Variants in GRIA1 observed in about 807,000 individuals in gnomAD.
GRIA1 encodes the protein glutamate ionotropic receptor AMPA type subunit 1.
GRIA1 carries 31 observed loss-of-function variants against 99.2 expected under a neutral mutation model. The ratio of observed to expected loss-of-function variants is 0.31; its 90% CI spans 0.23 to 0.42. The LOEUF (loss-of-function observed/expected upper bound fraction) is 0.42, where lower values mean the gene tolerates loss of function less well. Ranked by LOEUF, GRIA1 falls within the 10% of genes least tolerant of loss-of-function variation. GRIA1 has a pLI of 1.00. For missense variants in GRIA1, 782 were observed against 1,157.5 expected (o/e 0.68, Z 4.71); for synonymous variants, 438 against 432.4 (o/e 1.01, Z -0.16).
chr5:153,576,908 G>C (rs1325544461), intron 2 of GRIA1, among the ~76,000 whole-genome samples: 1 of 152,164 alleles, frequency 6.6e-6, no homozygotes. Flanking sequence ...CTGACACGTA[G>C]CAGGCTCTCA....
intron 11 of GRIA1, among the ~76,000 whole-genome samples, chr5:153,727,968 C>T (rs1252344763): frequency 6.6e-6 from 1 of 151,532 alleles, no homozygotes; most frequent in Non-Finnish European, 1.5e-5. Context: ...CATCACGCTA[C>T]CTGACTTCAA....
intron 2 of GRIA1, among the ~76,000 whole-genome samples, chr5:153,516,708 G>C (rs574651281): frequency 1.3e-5 from 2 of 152,182 alleles, no homozygotes; most frequent in Non-Finnish European, 2.9e-5. Context: ...CTCCCTTCAC[G>C]AGGAAGAAAT....
At chr5:153,502,368 T>C (rs1185034062) in intron 2 of GRIA1, among the ~76,000 whole-genome samples, 1 of 152,164 alleles carries the variant, frequency 6.6e-6, no homozygotes, top group Non-Finnish European at 1.5e-5. Context: ...CTGCTTAGGG[T>C]AATGCTTTTG....
At chr5:153,608,608 T>C (rs1303619254) in intron 2 of GRIA1, among the ~76,000 whole-genome samples, 1 of 152,194 alleles carries the variant, frequency 6.6e-6, no homozygotes, top group Non-Finnish European at 1.5e-5. Flanking sequence ...TCACATGGTT[T>C]TCAGTCCTCT....
intron 11 of GRIA1, among the ~76,000 whole-genome samples, chr5:153,732,058 C>T (rs1449376092): frequency 1.3e-5 from 2 of 152,066 alleles, no homozygotes; most frequent in African/African-American, 4.8e-5. Context: ...CATTCTGTCA[C>T]AAATTGTAGG....
chr5:153,548,736 A>G (rs1261486862), intron 2 of GRIA1, among the ~76,000 whole-genome samples: 1 of 152,212 alleles, frequency 6.6e-6, no homozygotes, highest in Non-Finnish European at 1.5e-5. Context: ...CAAAGTATCT[A>G]TCATTGCACA....
intron 2 of GRIA1, among the ~76,000 whole-genome samples, chr5:153,567,022 T>C (rs149805022): frequency 4.1e-4 from 63 of 152,310 alleles, no homozygotes; most frequent in African/African-American, 1.5e-3. Flanking sequence ...TGGCCACAAA[T>C]ATTGTCTTTT....
chr5:153,497,498 T>C (rs1433484011), intron 2 of GRIA1, among the ~76,000 whole-genome samples: 1 of 152,114 alleles, frequency 6.6e-6, no homozygotes, highest in African/African-American at 2.4e-5. Flanking sequence ...GCTAGGAATA[T>C]AGGGGCCAGG....
chr5:153,723,346 C>G (rs1032780771), intron 11 of GRIA1, among the ~76,000 whole-genome samples: 4 of 152,214 alleles, frequency 2.6e-5, no homozygotes, highest in Non-Finnish European at 5.9e-5. Flanking sequence ...GCATTTCCAT[C>G]TGAGGTACCA....
intron 9 of GRIA1, among the ~76,000 whole-genome samples, chr5:153,698,379 C>T (rs1469481593): frequency 6.6e-6 from 1 of 152,214 alleles, no homozygotes; most frequent in East Asian, 1.9e-4. Flanking sequence ...AACTTACTTA[C>T]TTTCTCTTGA....
intron 2 of GRIA1, among the ~76,000 whole-genome samples, chr5:153,598,016 A>G (rs1223695117): frequency 1.3e-5 from 2 of 152,164 alleles, no homozygotes; most frequent in Non-Finnish European, 2.9e-5. Flanking sequence ...AGTCTCAAAA[A>G]GAAGAAGATC....
chr5:153,598,154 A>G (rs1764585117), intron 2 of GRIA1, among the ~76,000 whole-genome samples: 1 of 151,840 alleles, frequency 6.6e-6, no homozygotes, highest in Admixed American at 6.6e-5. Flanking sequence ...ATAATATACT[A>G]TCACATGTTA....
At position 153,654,424 on chromosome 5, in the gene GRIA1, T is replaced by A. The variant is rs538967246; in HGVS notation, c.646-1395T>A. Among the ~76,000 whole-genome samples, 6 of 152,264 alleles carry A rather than the reference T, an allele frequency of 3.9e-5. No homozygotes were observed. In the East Asian group the frequency reaches 1.2e-3, roughly 29 times the overall value. ...TTTAAAATATCATGTCTTTGCTGTT[T>A]TGTGTTTATTAGAAGCTGAATAGGT... On this transcript the variant is annotated intron_variant, in intron 4 of 15. Coordinates refer to ENST00000285900, the MANE Select transcript of GRIA1 (RefSeq NM_000827.4).
intron 15 of GRIA1, among the ~76,000 whole-genome samples, chr5:153,808,531 G>A (rs967143143): frequency 6.6e-6 from 1 of 152,142 alleles, no homozygotes; most frequent in Non-Finnish European, 1.5e-5. Context: ...AGATCATGTG[G>A]TTCAACTTTG....
Position 153,661,407 on chromosome 5 carries a change from GT to G in GRIA1, c.699+5539del, listed in dbSNP as rs1755362298. ...ATGATATTATGTACATTCTTATAGGGTTTTATGAGAACTAAGTGAGATCCCT... is the reference window on the plus strand; with the variant it reads ...ATGATATTATGTACATTCTTATAGGGTTTATGAGAACTAAGTGAGATCCCT... On this transcript the variant is annotated intron_variant, in intron 5 of 15. Transcript: ENST00000285900. Among the ~76,000 whole-genome samples, 3 of 152,090 alleles carry G rather than the reference GT, an allele frequency of 2.0e-5. No individual in the cohort carries two copies. In the South Asian group the frequency reaches 6.2e-4, roughly 32 times the overall value.
At chr5:153,555,116 T>C (rs72800776) in intron 2 of GRIA1, among the ~76,000 whole-genome samples, 1 of 152,122 alleles carries the variant, frequency 6.6e-6, no homozygotes, top group Non-Finnish European at 1.5e-5. Context: ...TATCATAATG[T>C]ACATGTCACA....
rs978413566 is a variant in GRIA1, at chr5:153,704,848, T to C, written c.1453-849T>C. On this transcript the variant is annotated intron_variant, in intron 10 of 15. Transcript: ENST00000285900. ...TTGGATAACACATACCCCTTCCACC[T>C]TGTAGATTGGAAAATTGTTTGTGTG... Among the ~76,000 whole-genome samples the C allele has an allele frequency of 1.1e-4, 16 of 152,188 alleles. No homozygotes were observed. In the East Asian group the frequency reaches 3.1e-3, roughly 29 times the overall value.
chr5:153,652,851 C>T (rs1285054066), intron 4 of GRIA1, among the ~76,000 whole-genome samples: 1 of 152,154 alleles, frequency 6.6e-6, no homozygotes, highest in Non-Finnish European at 1.5e-5. Flanking sequence ...GAGCCTACAA[C>T]TTATATCTCT....
intron 2 of GRIA1, among the ~76,000 whole-genome samples, chr5:153,535,828 C>T (rs1393537572): frequency 6.6e-6 from 1 of 152,196 alleles, no homozygotes. Context: ...GATTCTTTTT[C>T]CCTTATCCAT....
Sources: allele counts gnomAD v4.1 joint callset (sites outside exome capture counted in the v4.1 genomes callset), GRCh38; gene constraint gnomAD v4.1.1; transcripts MANE v1.5; gene names NCBI Gene and HGNC (gene_info 2026-07-23, HGNC 2026-07-21).